Variants in MIS18A observed in about 807,000 individuals in gnomAD.
MIS18A encodes MIS18 kinetochore protein A.
A neutral mutation model predicts 25.0 loss-of-function variants in MIS18A; 14 were observed. The observed-to-expected ratio is 0.56, with a 90% CI of 0.37 to 0.88. MIS18A has a LOEUF of 0.88. Ranked by LOEUF, MIS18A falls within the 40% of genes least tolerant of loss-of-function variation. MIS18A has a pLI of 0.00. For missense variants in MIS18A, 292 were observed against 290.8 expected, an observed-to-expected ratio of 1.00 and a Z score of -0.03; for synonymous variants, 134 against 118.6, an observed-to-expected ratio of 1.13 and a Z score of -0.84.
At chr21:32,237,392 G>A in the MIS18A span, among the ~76,000 whole-genome samples, 1 of 152,172 alleles carries the variant, frequency 6.6e-6, no homozygotes, top group Non-Finnish European at 1.5e-5. Context: ...ATGTCCGCCT[G>A]CCAGTGAATC....
the MIS18A span, among the ~76,000 whole-genome samples, chr21:32,175,377 C>T: frequency 2.6e-5 from 4 of 152,106 alleles, no homozygotes; most frequent in African/African-American, 9.7e-5. Context: ...ACATTGTACA[C>T]TTAGGTCACA....
chr21:32,250,615 G>A, the MIS18A span, among the ~76,000 whole-genome samples: 2 of 152,172 alleles, frequency 1.3e-5, no homozygotes, highest in Middle Eastern at 3.2e-3. Flanking sequence ...CTTCCAGAAG[G>A]AGCCTTGCTT....
chr21:32,241,296 C>T, the MIS18A span, among the ~76,000 whole-genome samples: 1 of 148,604 alleles, frequency 6.7e-6, no homozygotes, highest in African/African-American at 2.5e-5. Flanking sequence ...CCAAAGAAAA[C>T]ACAATTAAAA....
the MIS18A span, among the ~76,000 whole-genome samples, chr21:32,214,285 A>ATG: frequency 6.6e-6 from 1 of 152,164 alleles, no homozygotes; most frequent in African/African-American, 2.4e-5. Flanking sequence ...GTTGATTCAG[A>ATG]GCTCCACATC....
rs2031878460 is a variant in MIS18A, at chr21:32,278,956, C to G, written c.59G>C (p.Gly20Ala). Residue 20 changes from glycine (G) to alanine (A), a missense_variant, in exon 1 of 5, where the codon GGC (glycine) becomes GCC (alanine). Transcript: ENST00000290130. Reference sequence around the variant, plus strand: ...GGAGTCGCTGCATTTGCCCTTGTCGCCGCACTCACAGCCGCCAGCGCATCC... The same window carrying G: ...GGAGTCGCTGCATTTGCCCTTGTCGGCGCACTCACAGCCGCCAGCGCATCC... ...SRGCAGGCEC[G>A]DKGKCSDSSL... 2 of 1,612,678 alleles carry G rather than the reference C, an allele frequency of 1.2e-6. No individual in the cohort carries two copies. The highest frequency in any genetic ancestry group is 4.5e-5 in the East Asian group (2 of 44,866).
the MIS18A span, among the ~76,000 whole-genome samples, chr21:32,191,060 C>T: frequency 6.6e-6 from 1 of 152,232 alleles, no homozygotes; most frequent in African/African-American, 2.4e-5. Context: ...GTTCAGCCCT[C>T]CAGGCTATCT....
At chr21:32,243,184 G>A in the MIS18A span, among the ~76,000 whole-genome samples, 1 of 152,178 alleles carries the variant, frequency 6.6e-6, no homozygotes, top group Admixed American at 6.5e-5. Context: ...TTTGTAATCT[G>A]GGATTAGGCA....
At chr21:32,248,166 A>G in the MIS18A span, among the ~76,000 whole-genome samples, 3 of 152,116 alleles carry the variant, frequency 2.0e-5, no homozygotes, top group Non-Finnish European at 4.4e-5. Flanking sequence ...CCTTCCAAGA[A>G]ATTCCCTTTC....
the MIS18A span, among the ~76,000 whole-genome samples, chr21:32,168,379 C>T: frequency 6.6e-6 from 1 of 151,912 alleles, no homozygotes; most frequent in Admixed American, 6.6e-5. Flanking sequence ...AAATAACATC[C>T]AATAAAAATG....
chr21:32,226,081 G>A, the MIS18A span, among the ~76,000 whole-genome samples: 1 of 122,960 alleles, frequency 8.1e-6, no homozygotes, highest in Non-Finnish European at 1.7e-5. Context: ...ATTGAACAAT[G>A]AGATCACATG....
chr21:32,194,599 C>T, the MIS18A span, among the ~76,000 whole-genome samples: 17 of 151,740 alleles, frequency 1.1e-4, no homozygotes, highest in South Asian at 4.2e-4. Context: ...GCAGAGGTTT[C>T]GGTGAGCCAA....
chr21:32,273,915 G>A (rs535913487), intron 2 of MIS18A, among the ~76,000 whole-genome samples: 5 of 152,264 alleles, frequency 3.3e-5, no homozygotes, highest in African/African-American at 7.2e-5. Flanking sequence ...ATAGGGCAGC[G>A]CTTCCCACTC....
At chr21:32,206,606 T>C in the MIS18A span, among the ~76,000 whole-genome samples, 1 of 152,124 alleles carries the variant, frequency 6.6e-6, no homozygotes, top group East Asian at 1.9e-4. Context: ...GTTGTAATAA[T>C]GTAAACACTG....
At chr21:32,193,535 G>A in the MIS18A span, among the ~76,000 whole-genome samples, 2 of 151,886 alleles carry the variant, frequency 1.3e-5, no homozygotes, top group Admixed American at 6.6e-5. Flanking sequence ...TAGATCGATC[G>A]ATCTAATCGA....
chr21:32,179,494 T>C, the MIS18A span, among the ~76,000 whole-genome samples: 1 of 151,970 alleles, frequency 6.6e-6, no homozygotes, highest in Non-Finnish European at 1.5e-5. Flanking sequence ...CACTCTAGTC[T>C]TCCAGGAGCC....
the MIS18A span, among the ~76,000 whole-genome samples, chr21:32,202,550 T>A: frequency 6.6e-6 from 1 of 152,232 alleles, no homozygotes; most frequent in African/African-American, 2.4e-5. Flanking sequence ...CATATTGTTG[T>A]GCAACCATCA....
At chr21:32,207,095 T>C in the MIS18A span, among the ~76,000 whole-genome samples, 4 of 152,186 alleles carry the variant, frequency 2.6e-5, no homozygotes, top group Admixed American at 2.6e-4. Flanking sequence ...CCAGCTGTAA[T>C]GTAATGACAC....
the MIS18A span, among the ~76,000 whole-genome samples, chr21:32,177,123 T>G: frequency 2.6e-5 from 4 of 152,174 alleles, no homozygotes; most frequent in African/African-American, 7.2e-5. Flanking sequence ...TCAAGTGGGT[T>G]TATTCCAGAT....
At chr21:32,214,897 C>A in the MIS18A span, among the ~76,000 whole-genome samples, 1 of 152,308 alleles carries the variant, frequency 6.6e-6, no homozygotes, top group Non-Finnish European at 1.5e-5. Context: ...GGGTGGGATT[C>A]CCCCAGGTAA....
Sources: allele counts gnomAD v4.1 joint callset (sites outside exome capture counted in the v4.1 genomes callset), GRCh38; gene constraint gnomAD v4.1.1; transcripts MANE v1.5; gene names NCBI Gene and HGNC (gene_info 2026-07-23, HGNC 2026-07-21).